The following DMD variants were observed in gnomAD, a reference collection of about 807,000 sequenced individuals.
The protein encoded by DMD is mutant dystrophin.
A neutral mutation model predicts 330.1 loss-of-function variants in DMD; 63 were observed. The observed-to-expected ratio is 0.19, with a 90% CI of 0.16 to 0.24. The LOEUF is 0.24. Among genes scored for constraint, DMD ranks in the 10% least tolerant of loss-of-function variants. DMD has a pLI of 1.00. For synonymous variants in DMD, 1,223 were observed against 959.8 expected (o/e 1.27, Z -5.07); for missense variants, 3,344 against 2,684.1 (o/e 1.25, Z -5.43).
At chrX:31,392,262 G>A (rs778837252) in intron 60 of DMD, among the ~76,000 whole-genome samples, 11 of 112,471 alleles carry the variant, frequency 9.8e-5, no homozygotes, top group Non-Finnish European at 1.9e-4. Flanking sequence ...AAAGACCAAA[G>A]CCAAAGGCTA....
At chrX:32,604,553 G>C (rs1318798532) in intron 12 of DMD, among the ~76,000 whole-genome samples, 3 of 110,093 alleles carry the variant, frequency 2.7e-5, no homozygotes, top group Admixed American at 9.7e-5. Flanking sequence ...GTCCTAGCTA[G>C]AGCAATCAGG....
At chrX:31,573,259 A>T (rs1273721479) in intron 55 of DMD, among the ~76,000 whole-genome samples, 1 of 111,970 alleles carries the variant, frequency 8.9e-6, no homozygotes, top group Non-Finnish European at 1.9e-5. Flanking sequence ...AAATATTCGG[A>T]AACCATTTGT....
intron 7 of DMD, among the ~76,000 whole-genome samples, chrX:32,757,393 G>C (rs2071636940): frequency 9.0e-6 from 1 of 110,863 alleles, no homozygotes; most frequent in South Asian, 3.8e-4. Context: ...AACTTTCAAG[G>C]CTCTCCAGAA....
intron 1 of DMD, among the ~76,000 whole-genome samples, chrX:33,198,597 T>C (rs911736798): frequency 2.7e-5 from 3 of 111,738 alleles, no homozygotes; most frequent in Non-Finnish European, 5.6e-5. Flanking sequence ...TGTAATTATG[T>C]TCATTAAAGC....
chrX:31,422,036 TATATA>T (rs1569540536), intron 60 of DMD, among the ~76,000 whole-genome samples: 249 of 7,519 alleles, frequency 0.033, 5 homozygotes, highest in African/African-American at 0.039. Flanking sequence ...CACATATATA[TATATA>T]TATTTTTTTT....
In DMD at chrX:31,364,331, A is replaced by G. The variant is rs148611174; in HGVS notation, c.9085-15697T>C. ...ACCCAATTTGGGCCATAAAGAGTCA[A>G]GCCCATACTTGACCAGTCTTTAAGC... On this transcript the variant is annotated intron_variant, in intron 60 of 78. Transcript: ENST00000357033. Among the ~76,000 whole-genome samples the G allele has an allele frequency of 7.0e-3, 789 of 112,224 alleles. 8 individuals carry two copies. Among genetic ancestry groups the G allele is most frequent in the African/African-American group, 0.024 (745 of 30,933 alleles).
intron 11 of DMD, among the ~76,000 whole-genome samples, chrX:32,626,213 G>A (rs762838575): frequency 4.8e-4 from 54 of 112,055 alleles, no homozygotes; most frequent in African/African-American, 1.6e-3. Context: ...GCTCAGGCCT[G>A]TAATCCCAGC....
chrX:32,831,026 G>A (rs920387469), intron 4 of DMD, among the ~76,000 whole-genome samples: 2 of 110,562 alleles, frequency 1.8e-5, no homozygotes, highest in Non-Finnish European at 3.8e-5. Context: ...CTCTTCTATC[G>A]CCAGACTAGT....
chrX:31,499,216 G>A (rs924366633), intron 56 of DMD, among the ~76,000 whole-genome samples: 1 of 111,636 alleles, frequency 9.0e-6, no homozygotes, highest in Non-Finnish European at 1.9e-5. Context: ...AGGGAGAGAG[G>A]AAGGGAAGAG....
intron 1 of DMD, among the ~76,000 whole-genome samples, chrX:33,113,147 A>G (rs754455011): frequency 2.0e-5 from 2 of 101,936 alleles, no homozygotes; most frequent in Admixed American, 2.2e-4. Context: ...TCTGCCTCCC[A>G]AGTTCAAGAG....
intron 55 of DMD, among the ~76,000 whole-genome samples, chrX:31,584,680 T>C (rs2076501830): frequency 9.0e-6 from 1 of 111,528 alleles, no homozygotes; most frequent in Admixed American, 9.5e-5. Context: ...TATGGAGCTG[T>C]GCTACAGTTT....
intron 76 of DMD, among the ~76,000 whole-genome samples, chrX:31,139,991 C>T (rs904365697): frequency 4.5e-5 from 5 of 112,178 alleles, no homozygotes; most frequent in Admixed American, 9.4e-5. Flanking sequence ...TAAATAGTAC[C>T]GTGATATAGC....
At chrX:31,715,783 C>G (rs187641598) in intron 52 of DMD, among the ~76,000 whole-genome samples, 194 of 110,739 alleles carry the variant, frequency 1.8e-3, no homozygotes, top group Non-Finnish European at 3.3e-3. Context: ...AATTCACTAC[C>G]CATTGCAAAG....
intron 65 of DMD, 45 bp downstream of exon 65, chrX:31,209,453 G>A: frequency 1.7e-6 from 2 of 1,156,899 alleles, no homozygotes; most frequent in African/African-American, 1.8e-5. Context: ...TGTACGCTAA[G>A]CCTCCTGTGA....
intron 7 of DMD, among the ~76,000 whole-genome samples, chrX:32,737,730 T>C (rs1285689165): frequency 2.7e-5 from 3 of 111,821 alleles, no homozygotes; most frequent in African/African-American, 9.7e-5. Flanking sequence ...ACAGCTCCTT[T>C]TGGTCAGGTG....
rs1050687769 is a variant in DMD, at chrX:31,668,516, G to T, written c.7873-10372C>A. Among the ~76,000 whole-genome samples the T allele has an allele frequency of 3.7e-5, 4 of 109,113 alleles. No individual in the cohort carries two copies. The South Asian group carries it at 1.6e-3, about 43-fold the overall frequency. The allele number at this position is 109,113 out of a possible 115,157, so 94.8% of individuals were successfully genotyped here. A position where few individuals can be genotyped will look rare whatever the true frequency, so the allele number is the denominator to read the frequency against. ...GACAAATAATTATATACATTTATGG[G>T]GTACATGTATGTTCTGATATATGTA... is the stretch of plus-strand genomic sequence containing the variant. On this transcript the variant is annotated intron_variant, in intron 53 of 78. Coordinates refer to ENST00000357033, the MANE Select transcript of DMD (RefSeq NM_004006.3).
At chrX:32,385,166 G>A (rs969099141) in intron 33 of DMD, among the ~76,000 whole-genome samples, 2 of 110,614 alleles carry the variant, frequency 1.8e-5, no homozygotes, top group Non-Finnish European at 3.8e-5. Flanking sequence ...ATTCTATAAT[G>A]CTCTAGTAAT....
chrX:32,575,315 A>T (rs1218314804), intron 13 of DMD, among the ~76,000 whole-genome samples: 1 of 112,389 alleles, frequency 8.9e-6, no homozygotes, highest in Non-Finnish European at 1.9e-5. Flanking sequence ...ATTTTCCTAC[A>T]GTATTAACAT....
intron 7 of DMD, among the ~76,000 whole-genome samples, chrX:32,773,261 C>T (rs1007428491): frequency 5.4e-5 from 6 of 110,872 alleles, no homozygotes; most frequent in African/African-American, 1.6e-4. Context: ...GGTTCATTTT[C>T]GTTAATTATT....
Sources: gnomAD v4.1 joint callset for allele counts (sites outside exome capture counted in the v4.1 genomes callset) on GRCh38, gnomAD v4.1.1 for gene constraint, MANE v1.5 for transcripts, NCBI Gene and HGNC (gene_info 2026-07-23, HGNC 2026-07-21) for gene names.